GPR39: variants seen among roughly 807,000 people sequenced by gnomAD.
GPR39 encodes zinc sensing receptor.
A neutral mutation model predicts 18.4 loss-of-function variants in GPR39; 23 were observed. That is an observed-to-expected ratio of 1.25 (90% confidence interval 0.90 to 1.77). The LOEUF (loss-of-function observed/expected upper bound fraction) is 1.77, where lower values mean the gene tolerates loss of function less well. Ranked by LOEUF, GPR39 falls within the 40% of genes most tolerant of loss-of-function variation. The pLI is 0.00. For synonymous variants in GPR39, 280 were observed against 257.9 expected (o/e 1.09, Z -0.82); for missense variants, 647 against 602.4 (o/e 1.07, Z -0.78).
intron 1 of GPR39, among the ~76,000 whole-genome samples, chr2:132,456,810 A>G (rs1680736809): frequency 1.3e-5 from 2 of 151,922 alleles, no homozygotes; most frequent in Non-Finnish European, 1.5e-5. Flanking sequence ...ATTGGCTCCT[A>G]CTCTCTTCTG....
At chr2:132,580,988 C>CA (rs139481939) in intron 1 of GPR39, among the ~76,000 whole-genome samples, 10,261 of 137,942 alleles carry the variant, frequency 0.074, 1,313 homozygotes, top group African/African-American at 0.27. Flanking sequence ...AAAAAAACAC[C>CA]AAAAAAAAAC....
rs139937706 is a variant in GPR39 at position 132,420,713 on chromosome 2, A to G, written c.856+2815A>G. On this transcript the variant is annotated intron_variant, in intron 1 of 1. Transcript: ENST00000329321. ...TGTTAAAAATGCTAACTTCTGCATGACAGAAACAAAATTCATAAATCTACG... is the reference window on the plus strand; with the variant it reads ...TGTTAAAAATGCTAACTTCTGCATGGCAGAAACAAAATTCATAAATCTACG... 2.7e-3 allele frequency among the ~76,000 whole-genome samples: 416 copies of G among 152,370 alleles called. 3 individuals carry two copies. Among genetic ancestry groups the G allele is most frequent in the Non-Finnish European group, 4.3e-3 (293 of 68,038 alleles).
intron 1 of GPR39, among the ~76,000 whole-genome samples, chr2:132,625,720 C>T (rs1186570101): frequency 1.3e-5 from 2 of 152,170 alleles, no homozygotes; most frequent in African/African-American, 4.8e-5. Context: ...GCTGATTCAG[C>T]ACTCTGTTTT....
intron 1 of GPR39, among the ~76,000 whole-genome samples, chr2:132,464,877 A>G (rs895142391): frequency 6.6e-6 from 1 of 152,196 alleles, no homozygotes; most frequent in Admixed American, 6.5e-5. Flanking sequence ...TTTGTCTTCT[A>G]TGAAGATGGG....
intron 1 of GPR39, among the ~76,000 whole-genome samples, chr2:132,485,309 C>A (rs190662130): frequency 6.6e-5 from 10 of 152,268 alleles, no homozygotes; most frequent in South Asian, 2.1e-4. Context: ...AACTGTCATG[C>A]CCCAATGTTG....
At chr2:132,556,750 TCTA>T (rs1242615277) in intron 1 of GPR39, among the ~76,000 whole-genome samples, 3 of 152,148 alleles carry the variant, frequency 2.0e-5, no homozygotes, top group African/African-American at 4.8e-5. Context: ...CTTGGACAAT[TCTA>T]CTGACCGCTC....
intron 1 of GPR39, among the ~76,000 whole-genome samples, chr2:132,469,038 G>T (rs933719705): frequency 1.3e-5 from 2 of 152,234 alleles, no homozygotes; most frequent in Non-Finnish European, 2.9e-5. Flanking sequence ...GCAGGAGTCA[G>T]CCTTGCTGGG....
chr2:132,626,544 A>G (rs368395496), intron 1 of GPR39, among the ~76,000 whole-genome samples: 72 of 152,342 alleles, frequency 4.7e-4, no homozygotes, highest in African/African-American at 1.5e-3. Context: ...GTAAATAAGT[A>G]TGGATTTCCT....
intron 1 of GPR39, among the ~76,000 whole-genome samples, chr2:132,460,000 A>G (rs4954327): frequency 0.99 from 150,814 of 152,320 alleles, 74,683 homozygotes; most frequent in East Asian, 1. Flanking sequence ...AAGTAAAAGG[A>G]GCTAATGAGG....
At chr2:132,426,374 C>G (rs1224902844) in intron 1 of GPR39, among the ~76,000 whole-genome samples, 1 of 152,200 alleles carries the variant, frequency 6.6e-6, no homozygotes, top group Non-Finnish European at 1.5e-5. Context: ...GAAAGGAAAA[C>G]AGTATTGAAT....
chr2:132,607,070 C>T (rs766218106), intron 1 of GPR39, among the ~76,000 whole-genome samples: 14 of 152,052 alleles, frequency 9.2e-5, no homozygotes, highest in African/African-American at 1.4e-4. Context: ...AGGCTGGGGG[C>T]GGGTAATATG....
chr2:132,449,467 T>C (rs1451003992), intron 1 of GPR39, among the ~76,000 whole-genome samples: 1 of 152,082 alleles, frequency 6.6e-6, no homozygotes, highest in African/African-American at 2.4e-5. Flanking sequence ...CAGGCTAGTC[T>C]TGAACTCCTG....
intron 1 of GPR39, among the ~76,000 whole-genome samples, chr2:132,497,714 A>T (rs1217371830): frequency 6.6e-6 from 1 of 152,086 alleles, no homozygotes; most frequent in Non-Finnish European, 1.5e-5. Context: ...TCCTGCTGCT[A>T]CTCACCCTGA....
At chr2:132,467,483 G>A (rs1680948186) in intron 1 of GPR39, among the ~76,000 whole-genome samples, 2 of 152,088 alleles carry the variant, frequency 1.3e-5, no homozygotes, top group Admixed American at 1.3e-4. Context: ...TGAATGATGA[G>A]ATCATTCATA....
At chr2:132,521,588 G>A (rs527369715) in intron 1 of GPR39, among the ~76,000 whole-genome samples, 2 of 152,168 alleles carry the variant, frequency 1.3e-5, no homozygotes, top group African/African-American at 4.8e-5. Context: ...TCCCCCAGAG[G>A]GATATTTGGA....
rs546256940 is a variant in GPR39, at chr2:132,541,330, C to T, written c.857-103771C>T. 1.4e-4 allele frequency among the ~76,000 whole-genome samples: 21 copies of T among 152,238 alleles called. No homozygotes were observed. In the South Asian group the frequency reaches 1.5e-3, roughly 11 times the overall value. On this transcript the variant is annotated intron_variant, in intron 1 of 1. Coordinates refer to ENST00000329321, the MANE Select transcript of GPR39 (RefSeq NM_001508.3). ...AACTCCTGACCTCAGATGATCCACC[C>T]GCCTCAGCCTCCCAAAGTGCTGAGA... is the stretch of plus-strand genomic sequence containing the variant.
In GPR39 at chr2:132,418,921, C is replaced by A. The variant is rs190708574; in HGVS notation, c.856+1023C>A. Among the ~76,000 whole-genome samples the A allele has an allele frequency of 2.8e-3, 428 of 152,258 alleles. 2 individuals are homozygous for A. The highest frequency in any genetic ancestry group is 9.6e-3 in the African/African-American group (399 of 41,542). Reference sequence around the variant, plus strand: ...TGTGGCATCAGGAAAAGGAATAAATCATGGTGCTGTTTGTTTTGGTGTGGG... The same window carrying A: ...TGTGGCATCAGGAAAAGGAATAAATAATGGTGCTGTTTGTTTTGGTGTGGG... On this transcript the variant is annotated intron_variant, in intron 1 of 1. Coordinates refer to ENST00000329321, the MANE Select transcript of GPR39 (RefSeq NM_001508.3).
At chr2:132,474,712 A>G (rs375607740) in intron 1 of GPR39, among the ~76,000 whole-genome samples, 1 of 152,332 alleles carries the variant, frequency 6.6e-6, no homozygotes, top group East Asian at 1.9e-4. Context: ...CTTGCTGCAC[A>G]TTATGCTAAC....
At chr2:132,458,515 TCAAAAATCATGACAAAGTATTTAGTCA>T (rs757952101) in intron 1 of GPR39, among the ~76,000 whole-genome samples, 70 of 150,896 alleles carry the variant, frequency 4.6e-4, no homozygotes, top group Admixed American at 9.2e-4. Context: ...ATTAAGTTTT[TCAAAAATCATGACAAAGTATTTAGTCA>T]CATTTTTTGT....
Sources: allele counts gnomAD v4.1 joint callset (sites outside exome capture counted in the v4.1 genomes callset), GRCh38; gene constraint gnomAD v4.1.1; transcripts MANE v1.5; gene names NCBI Gene and HGNC (gene_info 2026-07-23, HGNC 2026-07-21).